KLHL31: variants seen among roughly 807,000 people sequenced by gnomAD.
KLHL31 encodes the protein kelch-like protein 31.
In KLHL31, 32 loss-of-function variants were observed where a neutral mutation model predicts 47.1. The observed-to-expected ratio is 0.68, with a 90% CI of 0.51 to 0.91. The LOEUF (loss-of-function observed/expected upper bound fraction) is 0.91. Among genes scored for constraint, KLHL31 ranks in the 40% least tolerant of loss-of-function variants. The probability of loss-of-function intolerance (pLI) is 0.00; values close to 1 mark genes in which losing one functional copy is unlikely to be tolerated. For missense variants in KLHL31, 797 were observed against 819.3 expected (o/e 0.97, Z 0.33); for synonymous variants, 330 against 325.1 (o/e 1.01, Z -0.16).
At chr6:53,659,418 G>T (rs1764615477) in intron 1 of KLHL31, among the ~76,000 whole-genome samples, 1 of 152,210 alleles carries the variant, frequency 6.6e-6, no homozygotes, top group South Asian at 2.1e-4. Flanking sequence ...TTGGTTATAG[G>T]TTAGGTGAGC....
Position 53,652,027 on chromosome 6 carries a change from C to G in KLHL31, c.1476G>C (p.Ser492=), listed in dbSNP as rs551868780. 30 of 1,591,522 alleles carry G rather than the reference C, an allele frequency of 1.9e-5. No individual in the cohort carries two copies. The highest frequency in any genetic ancestry group is 2.6e-5 in the Non-Finnish European group (30 of 1,174,910). The change falls in exon 3 of 3, where the codon TCG becomes TCC. Residue 492 remains serine, a synonymous_variant. Transcript: ENST00000370905. The part of the protein sequence containing the change: ...SVCAYDPASD[S]WQELPNLSTP... The stretch of plus-strand genomic sequence containing the variant: ...TGCTGAGGTTCGGCAGCTCCTGCCA[C>G]GAGTCGCTGGCCGGGTCGTAGGCGC...
In KLHL31 at chr6:53,649,946, T is replaced by A. The variant is rs896730709; in HGVS notation, c.*1652A>T. ...GTTTGTAGCCCTTACCTGAGTGTTA[T>A]CATTAAATATCCAGAGATTGAACTT... On this transcript the variant is annotated 3_prime_UTR_variant, in exon 3 of 3. Transcript: ENST00000370905. The A allele has an allele frequency of 6.6e-6, 1 of 152,212 alleles. No homozygotes were observed. Among genetic ancestry groups the A allele is most frequent in the Non-Finnish European group, 1.5e-5 (1 of 68,026 alleles). 9.4% of individuals were successfully genotyped at this position (152,212 alleles called of 1,614,324 possible).
chr6:53,658,833 T>C (rs1032811509), intron 1 of KLHL31, among the ~76,000 whole-genome samples: 1 of 152,212 alleles, frequency 6.6e-6, no homozygotes, highest in Non-Finnish European at 1.5e-5. Context: ...GAAATTTTTA[T>C]AATATTTCAA....
intron 1 of KLHL31, among the ~76,000 whole-genome samples, chr6:53,656,116 T>G (rs1764557326): frequency 6.6e-6 from 1 of 151,004 alleles, no homozygotes; most frequent in East Asian, 2.0e-4. Context: ...TTTTAAGAGA[T>G]ATATATACTT....
rs762600334 is a variant in KLHL31 at position 53,654,917 on chromosome 6, A to G, written c.356T>C (p.Leu119Pro). Reference protein sequence around the residue: ...QRVDLNDISPLGLATVIAYAY... With the variant: ...QRVDLNDISPPGLATVIAYAY... ...ATATGCAATGACAGTGGCCAGGCCT[A>G]GTGGTGAGATATCATTGAGATCCAC... is the stretch of plus-strand genomic sequence containing the variant. Residue 119 changes from leucine to proline, a missense_variant, in exon 2 of 3, where the codon CTA (leucine) becomes CCA (proline). By Grantham distance (98) the Leu-to-Pro change is moderately conservative. Transcript: ENST00000370905. 3.7e-6 allele frequency: 6 copies of G among 1,614,170 alleles called. No individual in the cohort carries two copies. In the South Asian group the frequency reaches 4.4e-5, roughly 12 times the overall value.
intron 2 of KLHL31, 85 bp from the exon 3 acceptor site, chr6:53,652,415 T>C: frequency 6.4e-7 from 1 of 1,550,856 alleles, no homozygotes; most frequent in Non-Finnish European, 8.8e-7. Context: ...GTGGGAAGCC[T>C]GACACTACCC....
Position 53,654,186 on chromosome 6 carries a change from T to C in KLHL31, c.1087A>G (p.Met363Val). 1 of 1,614,174 alleles carries C rather than the reference T, an allele frequency of 6.2e-7. No individual in the cohort carries two copies. The highest frequency in any genetic ancestry group is 8.5e-7 in the Non-Finnish European group (1 of 1,180,024). Residue 363 changes from methionine (M) to valine (V), a missense_variant, in exon 2 of 3, where the codon ATG becomes GTG. Transcript: ENST00000370905. ...CCGGCTACATAAAGAAATCCATCCA[T>C]CACAGCCACACACTGATTAAAACTT... ...AKSFNQCVAVMDGFLYVAGGE... is the reference protein window; with the variant it reads ...AKSFNQCVAVVDGFLYVAGGE...
In KLHL31 at chr6:53,651,488, A is replaced by T; in HGVS notation, c.*110T>A. The T allele has an allele frequency of 1.7e-6, 2 of 1,204,800 alleles. No homozygotes were observed. The highest frequency in any genetic ancestry group is 2.3e-6 in the Non-Finnish European group (2 of 867,532). The allele number at this position is 1,204,800 out of a possible 1,614,324, so 74.6% of individuals were successfully genotyped here. On this transcript the variant is annotated 3_prime_UTR_variant, in exon 3 of 3. Transcript: ENST00000370905. ...TGTGCCTCGACATATTTTACAATACAATCAGTGTAGTAAATGTTAAATATT... is the reference window on the plus strand; with the variant it reads ...TGTGCCTCGACATATTTTACAATACTATCAGTGTAGTAAATGTTAAATATT...
chr6:53,658,825 A>C (rs1317165711), intron 1 of KLHL31, among the ~76,000 whole-genome samples: 1 of 152,202 alleles, frequency 6.6e-6, no homozygotes, highest in African/African-American at 2.4e-5. Context: ...TCACAGGAGA[A>C]ATTTTTATAA....
Position 53,649,015 on chromosome 6 carries a change from G to A in KLHL31, c.*2583C>T, listed in dbSNP as rs570832269. 6 of 152,236 alleles carry A rather than the reference G, an allele frequency of 3.9e-5. No individual in the cohort carries two copies. The highest frequency in any genetic ancestry group is 1.4e-4 in the African/African-American group (6 of 41,564). The allele number at this position is 152,236 out of a possible 1,614,324, so 9.4% of individuals were successfully genotyped here. A position where few individuals can be genotyped will look rare whatever the true frequency, so the allele number is the denominator to read the frequency against. Reference sequence around the variant, plus strand: ...AAAATAAAAGGAAGTATATGGTTGGGTCCTAAGACTCTGGAGTAATTGAAT... The same window carrying A: ...AAAATAAAAGGAAGTATATGGTTGGATCCTAAGACTCTGGAGTAATTGAAT... On this transcript the variant is annotated 3_prime_UTR_variant, in exon 3 of 3. Transcript: ENST00000370905.
At chr6:53,659,112 T>C (rs878919510) in intron 1 of KLHL31, among the ~76,000 whole-genome samples, 2 of 152,110 alleles carry the variant, frequency 1.3e-5, no homozygotes, top group Admixed American at 1.3e-4. Flanking sequence ...TCTTTGGGAA[T>C]AGAGAAAGGA....
Position 53,654,951 on chromosome 6 carries a change from T to A in KLHL31, c.322A>T (p.Ile108Phe), listed in dbSNP as rs202179716. Residue 108 changes from isoleucine (I) to phenylalanine (F), a missense_variant, in exon 2 of 3, where the codon ATT becomes TTT. Ile to Phe is a conservative substitution (Grantham distance 21). Transcript: ENST00000370905. Reference sequence around the variant, plus strand: ...ATATCATTGAGATCCACCCTCTGAATTGACGGGTCTTTTTTTAGGATGTTG... The same window carrying A: ...ATATCATTGAGATCCACCCTCTGAAATGACGGGTCTTTTTTTAGGATGTTG... ...FYNILKKDPS[I>F]QRVDLNDISP... 5.0e-6 allele frequency: 8 copies of A among 1,614,232 alleles called. No individual in the cohort carries two copies. The Admixed American group carries it at 1.3e-4, about 27-fold the overall frequency.
Position 53,655,312 on chromosome 6 carries a change from A to AT in KLHL31, c.-33-8_-33-7insA. On this transcript the variant is annotated splice_region_variant and splice_polypyrimidine_tract_variant and intron_variant, in intron 1 of 2. Coordinates refer to ENST00000370905, the MANE Select transcript of KLHL31 (RefSeq NM_001003760.5). ...TGTTACAGGCAAGAGCTTGCTAAAAAGAGAAAAAAAAAAACATGGTTTTGT... is the reference window on the plus strand; with the variant it reads ...TGTTACAGGCAAGAGCTTGCTAAAAATGAGAAAAAAAAAAACATGGTTTTGT... 2.2e-6 allele frequency: 3 copies of AT among 1,340,038 alleles called. No homozygotes were observed. Among genetic ancestry groups the AT allele is most frequent in the Non-Finnish European group, 3.0e-6 (3 of 996,944 alleles). 83.0% of individuals were successfully genotyped at this position (1,340,038 alleles called of 1,614,324 possible).
At position 53,651,626 on chromosome 6, in the gene KLHL31, G is replaced by T. The variant is rs1764466709; in HGVS notation, c.1877C>A (p.Ser626Ter). 1.2e-6 allele frequency: 2 copies of T among 1,614,010 alleles called. No homozygotes were observed. The highest frequency in any genetic ancestry group is 2.2e-5 in the South Asian group (2 of 91,066). ...GATACTGACTGGCACAGAAGATACC[G>T]AACTGGCCCGGGATTCCCGAGTCAC... ...NNVTRESRAS[S>*]VSSVPVSI The change falls in exon 3 of 3, where the codon TCG (serine) becomes TAG (stop). Residue 626 changes from serine (S) to a stop codon, truncating the protein, a stop_gained. Transcript: ENST00000370905. LOFTEE classifies it high-confidence loss of function.
chr6:53,658,161 T>C (rs558671735), intron 1 of KLHL31, among the ~76,000 whole-genome samples: 47 of 152,340 alleles, frequency 3.1e-4, no homozygotes, highest in African/African-American at 1.1e-3. Context: ...AGATGTAATT[T>C]ATATTAGAGA....
chr6:53,654,175 A>G lies in KLHL31; in HGVS notation c.1098T>C (p.Phe366=). 6.2e-7 allele frequency: 1 copy of G among 1,614,162 alleles called. No homozygotes were observed. Among genetic ancestry groups the G allele is most frequent in the Non-Finnish European group, 8.5e-7 (1 of 1,180,016 alleles). Residue 366 remains phenylalanine (F), a synonymous_variant, in exon 2 of 3, where the codon TTT becomes TTC. Coordinates refer to ENST00000370905, the MANE Select transcript of KLHL31 (RefSeq NM_001003760.5). ...FNQCVAVMDG[F]LYVAGGEDQN... ...GGTCTTCACCACCGGCTACATAAAG[A>G]AATCCATCCATCACAGCCACACACT... is the stretch of plus-strand genomic sequence containing the variant.
chr6:53,654,542 T>C lies in KLHL31; in HGVS notation c.731A>G (p.Asp244Gly), dbSNP rs755983047. The C allele has an allele frequency of 1.9e-6, 3 of 1,614,200 alleles. No individual in the cohort carries two copies. The highest frequency in any genetic ancestry group is 2.5e-6 in the Non-Finnish European group (3 of 1,180,032). Residue 244 changes from aspartate (D) to glycine (G), a missense_variant, in exon 2 of 3, where the codon GAC becomes GGC. Physicochemically the swap from Asp to Gly is moderately conservative, Grantham distance 94. Coordinates refer to ENST00000370905, the MANE Select transcript of KLHL31 (RefSeq NM_001003760.5). The part of the protein sequence containing the change: ...FQIAMKWLEF[D>G]QKRVKYAADL... ...TGCAGCGTATTTTACTCTCTTTTGG[T>C]CAAATTCTAACCATTTCATTGCAAT...
At chr6:53,653,411 T>A (rs577323369) in intron 2 of KLHL31, among the ~76,000 whole-genome samples, 1 of 152,348 alleles carries the variant, frequency 6.6e-6, no homozygotes, top group Non-Finnish European at 1.5e-5. Context: ...ACTACTACCA[T>A]GATATAAGCA....
rs985205923 is a variant in KLHL31 at position 53,653,991 on chromosome 6, A to G, written c.1172+110T>C. 4 of 852,130 alleles carry G rather than the reference A, an allele frequency of 4.7e-6. No individual in the cohort carries two copies. In the African/African-American group the frequency reaches 6.8e-5, roughly 15 times the overall value. The allele number at this position is 852,130 out of a possible 1,614,324, so 52.8% of individuals were successfully genotyped here. ...TAAGGTGGCATTATTATTATTTTTG[A>G]TTTACTAAGCCAATGGACTAAGTTA... On this transcript the variant is annotated intron_variant, in intron 2 of 2. Coordinates refer to ENST00000370905, the MANE Select transcript of KLHL31 (RefSeq NM_001003760.5).
Sources: allele counts gnomAD v4.1 joint callset (sites outside exome capture counted in the v4.1 genomes callset), GRCh38; gene constraint gnomAD v4.1.1; transcripts MANE v1.5; gene names NCBI Gene and HGNC (gene_info 2026-07-23, HGNC 2026-07-21).